The following CERS6 variants were observed in gnomAD, a reference collection of about 807,000 sequenced individuals.
CERS6 encodes LAG1 homolog, ceramide synthase 6.
CERS6 carries 26 observed loss-of-function variants against 56.8 expected under a neutral mutation model. The observed-to-expected ratio is 0.46, with a 90% CI of 0.34 to 0.63. The LOEUF (loss-of-function observed/expected upper bound fraction) is 0.63, where lower values mean the gene tolerates loss of function less well. Ranked by LOEUF, CERS6 falls within the 30% of genes least tolerant of loss-of-function variation. CERS6 has a pLI of 0.01. For synonymous variants in CERS6, 164 were observed against 173.3 expected, an observed-to-expected ratio of 0.95 and a Z score of 0.42; for missense variants, 415 against 467.5, an observed-to-expected ratio of 0.89 and a Z score of 1.04.
At chr2:168,502,565 G>A (rs1694602137) in intron 1 of CERS6, among the ~76,000 whole-genome samples, 1 of 152,170 alleles carries the variant, frequency 6.6e-6, no homozygotes, top group African/African-American at 2.4e-5. Flanking sequence ...GGCTCAAGGA[G>A]TCTGAAAGGC....
intron 6 of CERS6, among the ~76,000 whole-genome samples, chr2:168,696,531 A>G (rs937872196): frequency 6.6e-5 from 10 of 152,238 alleles, no homozygotes; most frequent in African/African-American, 2.4e-4. Context: ...TCTTAATCCA[A>G]TTGAGCTAAT....
At chr2:168,760,813 T>C (rs1484817460) in intron 8 of CERS6, among the ~76,000 whole-genome samples, 1 of 152,052 alleles carries the variant, frequency 6.6e-6, no homozygotes, top group Non-Finnish European at 1.5e-5. Context: ...TGGAGTGCAG[T>C]GGCGCGATCT....
intron 8 of CERS6, among the ~76,000 whole-genome samples, chr2:168,750,328 TA>T (rs11356919): frequency 0.47 from 70,799 of 152,068 alleles, 17,878 homozygotes; most frequent in Admixed American, 0.56. Context: ...ACATACATGT[TA>T]ATTATAGTTA....
At chr2:168,752,350 C>T (rs1406804118) in intron 8 of CERS6, among the ~76,000 whole-genome samples, 1 of 150,450 alleles carries the variant, frequency 6.6e-6, no homozygotes, top group African/African-American at 2.4e-5. Flanking sequence ...CTAAGTTTGA[C>T]ACTGGAATGT....
At chr2:168,484,173 T>G (rs1202234811) in intron 1 of CERS6, among the ~76,000 whole-genome samples, 12 of 84,896 alleles carry the variant, frequency 1.4e-4, no homozygotes, top group Middle Eastern at 4.5e-3. Flanking sequence ...TTCTGTTTTT[T>G]TTTTTTTTTT....
intron 1 of CERS6, among the ~76,000 whole-genome samples, chr2:168,516,719 T>C (rs13419014): frequency 0.17 from 25,152 of 152,210 alleles, 2,613 homozygotes; most frequent in Non-Finnish European, 0.23. Flanking sequence ...ATTTGATATG[T>C]GACCTTAGGC....
chr2:168,464,174 TTGTGTGTGTGTGTGTGTGTG>T (rs35372610), intron 1 of CERS6, among the ~76,000 whole-genome samples: 1 of 139,696 alleles, frequency 7.2e-6, no homozygotes, highest in Non-Finnish European at 1.5e-5. Flanking sequence ...TTTATACTTT[TTGTGTGTGTGTGTGTGTGTG>T]TGTGTGTGTG....
intron 3 of CERS6, among the ~76,000 whole-genome samples, chr2:168,576,694 A>T (rs1263429596): frequency 6.6e-6 from 1 of 152,166 alleles, no homozygotes; most frequent in Non-Finnish European, 1.5e-5. Context: ...ACTTGCTCTG[A>T]TGTTTTTTCT....
At chr2:168,642,750 A>G (rs1046972917) in intron 4 of CERS6, among the ~76,000 whole-genome samples, 3 of 152,198 alleles carry the variant, frequency 2.0e-5, no homozygotes, top group East Asian at 1.9e-4. Flanking sequence ...AAAGGCCTAT[A>G]TTGCTTAGGA....
At chr2:168,668,072 C>A (rs1023311589) in intron 4 of CERS6, among the ~76,000 whole-genome samples, 3 of 152,074 alleles carry the variant, frequency 2.0e-5, no homozygotes, top group African/African-American at 7.2e-5. Flanking sequence ...GATAAGGAGC[C>A]CGGGCTTTAT....
At chr2:168,658,838 T>C (rs1685556515) in intron 4 of CERS6, among the ~76,000 whole-genome samples, 1 of 62,100 alleles carries the variant, frequency 1.6e-5, no homozygotes, top group Non-Finnish European at 3.5e-5. Context: ...GCCATGCTAT[T>C]AAACAGGTGT....
intron 4 of CERS6, among the ~76,000 whole-genome samples, chr2:168,681,928 A>G (rs1686227687): frequency 6.6e-6 from 1 of 152,196 alleles, no homozygotes; most frequent in African/African-American, 2.4e-5. Context: ...TAAAAGTAAT[A>G]TCCTCCAAAC....
chr2:168,741,091 C>T (rs1338111777), intron 8 of CERS6, among the ~76,000 whole-genome samples: 1 of 152,112 alleles, frequency 6.6e-6, no homozygotes, highest in East Asian at 1.9e-4. Context: ...TGGTTAACAA[C>T]GTGGACTCTG....
Position 168,578,989 on chromosome 2 carries a change from A to G in CERS6, c.407+17667A>G, listed in dbSNP as rs1056939361. ...TAATCTGAACAAGAACAAAATAACA[A>G]TTCCTTTGGTTAAATATAATAAAGG... On this transcript the variant is annotated intron_variant, in intron 3 of 9. Coordinates refer to ENST00000305747, the MANE Select transcript of CERS6 (RefSeq NM_203463.3). Among the ~76,000 whole-genome samples, 19 of 152,272 alleles carry G rather than the reference A, an allele frequency of 1.2e-4. 1 individual carries two copies. Among genetic ancestry groups the G allele is most frequent in the East Asian group, 1.9e-4 (1 of 5,192 alleles).
At chr2:168,559,755 T>TATATATATATATATATATC (rs1412617679) in intron 2 of CERS6, among the ~76,000 whole-genome samples, 1 of 14,776 alleles carries the variant, frequency 6.8e-5, no homozygotes, top group Non-Finnish European at 1.6e-4. Flanking sequence ...ATATATATAT[T>TATATATATATATATATATC]TCACCCTTAT....
chr2:168,592,625 A>G (rs1458856882), intron 3 of CERS6, among the ~76,000 whole-genome samples: 1 of 152,080 alleles, frequency 6.6e-6, no homozygotes, highest in Non-Finnish European at 1.5e-5. Flanking sequence ...AATTTCAGGA[A>G]CAGTGGAAGC....
intron 5 of CERS6, among the ~76,000 whole-genome samples, chr2:168,694,045 G>A (rs1574165746): frequency 6.6e-6 from 1 of 152,214 alleles, no homozygotes; most frequent in East Asian, 1.9e-4. Flanking sequence ...ACCATATATG[G>A]TATTGTCTTG....
chr2:168,541,470 T>C (rs1368044293), intron 1 of CERS6, among the ~76,000 whole-genome samples: 2 of 152,146 alleles, frequency 1.3e-5, no homozygotes, highest in African/African-American at 4.8e-5. Context: ...TATTTCTCCA[T>C]TTTTTCTTTC....
chr2:168,456,768 C>T lies in CERS6; in HGVS notation c.170+150C>T. The T allele has an allele frequency of 4.2e-6, 3 of 715,460 alleles. No individual in the cohort carries two copies. The highest frequency in any genetic ancestry group is 2.8e-5 in the East Asian group (1 of 35,738). 44.3% of individuals were successfully genotyped at this position (715,460 alleles called of 1,614,324 possible). On this transcript the variant is annotated intron_variant, in intron 1 of 9. Transcript: ENST00000305747. The surrounding 1 kb of genome is among the most constrained non-coding windows in gnomAD (Gnocchi z 4.1). ...GTTCGGGGAGGGGTTGCTGACCCCCCTGCCCCGCTGGCTTTCTGGGAGCCA... is the reference window on the plus strand; with the variant it reads ...GTTCGGGGAGGGGTTGCTGACCCCCTTGCCCCGCTGGCTTTCTGGGAGCCA...
Sources: gnomAD v4.1 joint callset for allele counts (sites outside exome capture counted in the v4.1 genomes callset) on GRCh38, gnomAD v4.1.1 for gene constraint, Gnocchi (gnomAD v3.1) non-coding constraint, MANE v1.5 for transcripts, NCBI Gene and HGNC (gene_info 2026-07-23, HGNC 2026-07-21) for gene names.